The following CYFIP2 variants were observed in gnomAD, a reference collection of about 807,000 sequenced individuals.
The protein encoded by CYFIP2 is cytoplasmic FMR1-interacting protein 2.
Under a neutral mutation model 158.7 loss-of-function variants are expected in CYFIP2, and 29 were observed. That is an observed-to-expected ratio of 0.18 (90% CI 0.14 to 0.25). The LOEUF (loss-of-function observed/expected upper bound fraction) is 0.25, where lower values mean the gene tolerates loss of function less well. CYFIP2 is among the 10% of genes least tolerant of loss of function. The pLI is 1.00. For missense variants in CYFIP2, 852 were observed against 1,639.5 expected (o/e 0.52, Z 8.29); for synonymous variants, 585 against 617.6 (o/e 0.95, Z 0.78).
At chr5:157,352,362 CACAGCTCAGCTGGGT>C (rs1449257323) in intron 23 of CYFIP2, among the ~76,000 whole-genome samples, 2 of 152,206 alleles carry the variant, frequency 1.3e-5, no homozygotes, top group South Asian at 2.1e-4. Context: ...GCAAGCTGGG[CACAGCTCAGCTGGGT>C]ACACACCTGG....
At chr5:157,338,080 T>G (rs1356982667) in intron 21 of CYFIP2, among the ~76,000 whole-genome samples, 1 of 152,222 alleles carries the variant, frequency 6.6e-6, no homozygotes, top group African/African-American at 2.4e-5. Context: ...AAGACTGTAC[T>G]TTGATTCCTT....
At chr5:157,322,803 C>A in intron 15 of CYFIP2, 1 of 832,354 alleles carries the variant, frequency 1.2e-6, no homozygotes, top group East Asian at 2.7e-5. Flanking sequence ...TCAGAGGTGG[C>A]CCCCGGCAGT....
At chr5:157,369,898 T>TTTTTTTA (rs1491562708) in intron 26 of CYFIP2, among the ~76,000 whole-genome samples, 1 of 149,450 alleles carries the variant, frequency 6.7e-6, no homozygotes, top group Non-Finnish European at 1.5e-5. Context: ...TTTTTTTTTT[T>TTTTTTTA]AAAGACAGAG....
rs7729383 is a variant in CYFIP2 at position 157,333,275 on chromosome 5, C to G, written c.2266-52C>G. On this transcript the variant is annotated intron_variant, in intron 20 of 30. Transcript: ENST00000620254. The stretch of plus-strand genomic sequence containing the variant: ...CTGGGATTACAGGCATGAGCCACTG[C>G]ACCTGGCCAGTGTGAATTTTAAGTA... 480 of 1,610,578 alleles carry G rather than the reference C, an allele frequency of 3.0e-4. No individual in the cohort carries two copies. In the African/African-American group the frequency reaches 5.9e-3, roughly 20 times the overall value.
In CYFIP2 at chr5:157,277,375, G is replaced by A. The variant is rs147705014; in HGVS notation, c.-23-7964G>A. On this transcript the variant is annotated intron_variant, in intron 1 of 30. Coordinates refer to ENST00000620254, the MANE Select transcript of CYFIP2 (RefSeq NM_001037333.3). Reference sequence around the variant, plus strand: ...GTCCGGTCTTATCTGTGTAGCCACCGAGTCTGGCCTTATCTGTGTTATTAA... The same window carrying A: ...GTCCGGTCTTATCTGTGTAGCCACCAAGTCTGGCCTTATCTGTGTTATTAA... Among the ~76,000 whole-genome samples, 1,248 of 152,188 alleles carry A rather than the reference G, an allele frequency of 8.2e-3. 21 individuals carry two copies. Among genetic ancestry groups the A allele is most frequent in the African/African-American group, 0.029 (1,186 of 41,530 alleles).
In CYFIP2 at chr5:157,359,107, G is replaced by A; in HGVS notation, c.2776G>A (p.Ala926Thr). 6 of 1,614,000 alleles carry A rather than the reference G, an allele frequency of 3.7e-6. No homozygotes were observed. Among genetic ancestry groups the A allele is most frequent in the South Asian group, 1.1e-5 (1 of 91,088 alleles). The change falls in exon 24 of 31, where the codon GCT (alanine) becomes ACT (threonine). Residue 926 changes from alanine (A) to threonine (T), a missense_variant. Ala to Thr is a moderately conservative substitution (Grantham distance 58). Transcript: ENST00000620254. ...ICRLLGYQGIAVVMEELLKIV... is the reference protein window; with the variant it reads ...ICRLLGYQGITVVMEELLKIV... ...CAGACTCCTGGGTTATCAGGGCATC[G>A]CTGTGGTCATGGAGGAACTGCTAAA...
rs1162790309 is a variant in CYFIP2 at position 157,296,579 on chromosome 5, G to A, written c.286-94G>A. 17 of 1,176,024 alleles carry A rather than the reference G, an allele frequency of 1.4e-5. No individual in the cohort carries two copies. The Admixed American group carries it at 3.0e-4, about 21-fold the overall frequency. 72.8% of individuals were successfully genotyped at this position (1,176,024 alleles called of 1,614,324 possible). A position where few individuals can be genotyped will look rare whatever the true frequency, so the allele number is the denominator to read the frequency against. ...ACTGCACTCTAGCCTGGACAACAGA[G>A]CAAGACCCTGTCTCAAAAACAAAAC... On this transcript the variant is annotated intron_variant, in intron 4 of 30. Transcript: ENST00000620254.
chr5:157,284,664 A>G (rs1364631138), intron 1 of CYFIP2, among the ~76,000 whole-genome samples: 1 of 152,232 alleles, frequency 6.6e-6, no homozygotes, highest in Non-Finnish European at 1.5e-5. Flanking sequence ...CAAACATACT[A>G]TCAAAGCAGC....
At chr5:157,342,825 T>G in intron 23 of CYFIP2, 1 of 1,573,910 alleles carries the variant, frequency 6.4e-7, no homozygotes, top group Non-Finnish European at 8.6e-7. Context: ...TGTGGAAAGC[T>G]TTAGGCTACA....
At chr5:157,378,700 A>ATGGGGACAGTGAGAT (rs946571977) in intron 26 of CYFIP2, among the ~76,000 whole-genome samples, 8 of 152,156 alleles carry the variant, frequency 5.3e-5, no homozygotes, top group Admixed American at 4.6e-4. Flanking sequence ...TGTCCACAGG[A>ATGGGGACAGTGAGAT]TGGGGACAGT....
chr5:157,388,125 A>T (rs550282759), intron 28 of CYFIP2, among the ~76,000 whole-genome samples: 18 of 152,332 alleles, frequency 1.2e-4, no homozygotes, highest in African/African-American at 4.3e-4. Context: ...CAGTGTGAGA[A>T]GCCTGCCTTT....
chr5:157,366,140 A>G (rs1474956991), intron 26 of CYFIP2, among the ~76,000 whole-genome samples: 1 of 152,106 alleles, frequency 6.6e-6, no homozygotes, highest in Non-Finnish European at 1.5e-5. Context: ...CTCTTTAATC[A>G]TAGCCATTCT....
chr5:157,341,305 C>T lies in CYFIP2; in HGVS notation c.2673+148C>T, dbSNP rs187088652. Reference sequence around the variant, plus strand: ...GTGGCTCATACCTTTAATCCCAGCACTTCAGGAGACCGAGACCAGTGGATA... The same window carrying T: ...GTGGCTCATACCTTTAATCCCAGCATTTCAGGAGACCGAGACCAGTGGATA... On this transcript the variant is annotated intron_variant, in intron 23 of 30. Coordinates refer to ENST00000620254, the MANE Select transcript of CYFIP2 (RefSeq NM_001037333.3). 52 of 706,972 alleles carry T rather than the reference C, an allele frequency of 7.4e-5. No homozygotes were observed. In the African/African-American group the frequency reaches 8.9e-4, roughly 12 times the overall value. The allele number at this position is 706,972 out of a possible 1,614,324, so 43.8% of individuals were successfully genotyped here. A position where few individuals can be genotyped will look rare whatever the true frequency, so the allele number is the denominator to read the frequency against.
At chr5:157,305,352 A>T (rs890806255) in intron 8 of CYFIP2, among the ~76,000 whole-genome samples, 1 of 152,222 alleles carries the variant, frequency 6.6e-6, no homozygotes, top group Non-Finnish European at 1.5e-5. Flanking sequence ...TAAATCTTCA[A>T]GCTTTTGCTA....
At chr5:157,269,189 G>A (rs1244572845) in intron 1 of CYFIP2, among the ~76,000 whole-genome samples, 1 of 151,984 alleles carries the variant, frequency 6.6e-6, no homozygotes, top group African/African-American at 2.4e-5. Context: ...CGAAGGAAGG[G>A]AAAGTTAAGA....
chr5:157,331,051 G>A (rs572520540), intron 20 of CYFIP2, among the ~76,000 whole-genome samples: 2 of 152,216 alleles, frequency 1.3e-5, no homozygotes, highest in East Asian at 3.9e-4. Context: ...CAAGTTCTGG[G>A]CTTCTCCACC....
intron 1 of CYFIP2, among the ~76,000 whole-genome samples, chr5:157,282,964 G>T (rs926277752): frequency 3.3e-4 from 50 of 152,232 alleles, no homozygotes; most frequent in African/African-American, 1.2e-3. Flanking sequence ...GCAGGGCCAA[G>T]AACCATTAAC....
chr5:157,315,491 T>C lies in CYFIP2; in HGVS notation c.1356+397T>C, dbSNP rs1412761324. 2.6e-5 allele frequency among the ~76,000 whole-genome samples: 4 copies of C among 152,242 alleles called. No homozygotes were observed. In the South Asian group the frequency reaches 8.3e-4, roughly 31 times the overall value. On this transcript the variant is annotated intron_variant, in intron 13 of 30. Transcript: ENST00000620254. The stretch of plus-strand genomic sequence containing the variant: ...GATTTGACAGCTGGATGATGCCTGT[T>C]GCAGGTTAAAGTGCAGGAAATAGAC...
chr5:157,311,669 C>T lies in CYFIP2; in HGVS notation c.998C>T (p.Thr333Met), dbSNP rs148350606. 8.8e-5 allele frequency: 142 copies of T among 1,605,770 alleles called. No individual in the cohort carries two copies. The African/African-American group carries it at 1.4e-3, about 16-fold the overall frequency. ...CCCCATAATTTTCTACCCAGGTGGA[C>T]GTGCACCCAGAGCAGCATCAGCCCC... is the stretch of plus-strand genomic sequence containing the variant. Reference protein sequence around the residue: ...AHYEENKSKWTCTQSSISPQY... With the variant: ...AHYEENKSKWMCTQSSISPQY... Residue 333 changes from threonine to methionine, a missense_variant, in exon 11 of 31, where the codon ACG becomes ATG. Physicochemically the swap from Thr to Met is moderately conservative, Grantham distance 81. Around this residue, in one of 8 missense-constraint regions of CYFIP2, gnomAD observed 133 missense variants for 197.1 expected, o/e 0.67. Coordinates refer to ENST00000620254, the MANE Select transcript of CYFIP2 (RefSeq NM_001037333.3). The surrounding 1 kb of genome is among the most constrained non-coding windows in gnomAD (Gnocchi z 4.7).
Sources: allele counts gnomAD v4.1 joint callset (sites outside exome capture counted in the v4.1 genomes callset), GRCh38; gene constraint gnomAD v4.1.1; regional missense constraint gnomAD v4.1.1; non-coding constraint Gnocchi (gnomAD v3.1); transcripts MANE v1.5; gene names NCBI Gene and HGNC (gene_info 2026-07-23, HGNC 2026-07-21).